SPSB4: variants seen among roughly 807,000 people sequenced by gnomAD.
The protein encoded by SPSB4 is splA/ryanodine receptor domain and SOCS box containing 4.
SPSB4 carries 21 observed loss-of-function variants against 20.9 expected under a neutral mutation model. That is an observed-to-expected ratio of 1.01 (90% CI 0.71 to 1.45). SPSB4 has a LOEUF of 1.45. Among genes scored for constraint, SPSB4 ranks in the 40% most tolerant of loss-of-function variants. SPSB4 has a pLI of 0.00. For synonymous variants in SPSB4, 207 were observed against 183.8 expected (o/e 1.13, Z -1.02); for missense variants, 399 against 399.2 (o/e 1.00, Z 0.00).
intron 2 of SPSB4, among the ~76,000 whole-genome samples, chr3:141,090,677 G>A (rs1387285106): frequency 1.3e-5 from 2 of 152,182 alleles, no homozygotes; most frequent in African/African-American, 2.4e-5. Context: ...GAGGTTAGCC[G>A]ATCAAGGATG....
chr3:141,138,756 T>C (rs1939272564), intron 2 of SPSB4, among the ~76,000 whole-genome samples: 1 of 152,216 alleles, frequency 6.6e-6, no homozygotes. Flanking sequence ...TACTTCCAAG[T>C]ATGTGGTCAA....
At chr3:141,145,788 C>G (rs1420081813) in intron 2 of SPSB4, among the ~76,000 whole-genome samples, 4 of 152,174 alleles carry the variant, frequency 2.6e-5, no homozygotes, top group African/African-American at 7.2e-5. Context: ...CTGATGCTAA[C>G]TGATCAGCAC....
intron 2 of SPSB4, among the ~76,000 whole-genome samples, chr3:141,126,253 C>T (rs1285965512): frequency 2.0e-5 from 3 of 152,124 alleles, no homozygotes; most frequent in Non-Finnish European, 4.4e-5. Context: ...TCTCCTGAAC[C>T]CAGTCACCTC....
Position 141,147,770 on chromosome 3 carries a change from G to A in SPSB4, c.*501G>A, listed in dbSNP as rs758823301. 1 of 163,806 alleles carries A rather than the reference G, an allele frequency of 6.1e-6. No homozygotes were observed. Among genetic ancestry groups the A allele is most frequent in the Admixed American group, 5.6e-5 (1 of 17,748 alleles). 10.1% of individuals were successfully genotyped at this position (163,806 alleles called of 1,614,324 possible). A position where few individuals can be genotyped will look rare whatever the true frequency, so the allele number is the denominator to read the frequency against. ...TACGCCTTGCCAGGGCGGCAGGATT[G>A]TCACACCGTTTTAGGACTCTGTGCC... is the stretch of plus-strand genomic sequence containing the variant. On this transcript the variant is annotated 3_prime_UTR_variant, in exon 3 of 3. Transcript: ENST00000310546.
rs1037320426 is a variant in SPSB4, at chr3:141,147,707, G to A, written c.*438G>A. The A allele has an allele frequency of 1.4e-4, 24 of 170,300 alleles. No individual in the cohort carries two copies. The highest frequency in any genetic ancestry group is 1.1e-3 in the Admixed American group (20 of 18,158). 10.5% of individuals were successfully genotyped at this position (170,300 alleles called of 1,614,324 possible). A position where few individuals can be genotyped will look rare whatever the true frequency, so the allele number is the denominator to read the frequency against. On this transcript the variant is annotated 3_prime_UTR_variant, in exon 3 of 3. Coordinates refer to ENST00000310546, the MANE Select transcript of SPSB4 (RefSeq NM_080862.3). ...AGGGGGAAAATTGCCTCTGAATAAT[G>A]AATGATGAAAGCCTGACGCCGTGCC...
chr3:141,136,888 T>C lies in SPSB4; in HGVS notation c.695-10254T>C, dbSNP rs919949915. ...CCAATTCTGTGAAGAAAGTCATTGG[T>C]AGCTTGATGGGGATGGCATTGAATC... On this transcript the variant is annotated intron_variant, in intron 2 of 2. Coordinates refer to ENST00000310546, the MANE Select transcript of SPSB4 (RefSeq NM_080862.3). 5.3e-5 allele frequency among the ~76,000 whole-genome samples: 8 copies of C among 152,218 alleles called. No homozygotes were observed. In the East Asian group the frequency reaches 7.7e-4, roughly 15 times the overall value.
intron 2 of SPSB4, among the ~76,000 whole-genome samples, chr3:141,122,397 G>A (rs985973127): frequency 6.6e-6 from 1 of 152,198 alleles, no homozygotes; most frequent in Non-Finnish European, 1.5e-5. Context: ...TGAGGAGGCA[G>A]TCTGTTCATT....
chr3:141,146,772 TAAAA>T (rs1166026396), intron 2 of SPSB4, among the ~76,000 whole-genome samples: 1 of 128,168 alleles, frequency 7.8e-6, no homozygotes, highest in Non-Finnish European at 1.7e-5. Context: ...AGACTCCATC[TAAAA>T]AAAAAAAAAA....
At chr3:141,084,334 C>T (rs1938302043) in intron 2 of SPSB4, among the ~76,000 whole-genome samples, 1 of 152,170 alleles carries the variant, frequency 6.6e-6, no homozygotes, top group Non-Finnish European at 1.5e-5. Flanking sequence ...CACCCCTCTC[C>T]TGGCCTCTCC....
chr3:141,144,563 C>T (rs7614592), intron 2 of SPSB4, among the ~76,000 whole-genome samples: 39,860 of 152,152 alleles, frequency 0.26, 6,216 homozygotes, highest in African/African-American at 0.44. Flanking sequence ...ACAGTGGGGG[C>T]AGGAACTCAA....
intron 1 of SPSB4, among the ~76,000 whole-genome samples, chr3:141,052,810 A>G (rs538617631): frequency 1.3e-5 from 2 of 152,218 alleles, no homozygotes; most frequent in African/African-American, 4.8e-5. Flanking sequence ...CAGAGACTTG[A>G]GCGCGGCAAA....
At chr3:141,129,424 G>A (rs972999048) in intron 2 of SPSB4, among the ~76,000 whole-genome samples, 39 of 152,148 alleles carry the variant, frequency 2.6e-4, no homozygotes, top group Admixed American at 8.5e-4. Context: ...GGACTCTTTT[G>A]GTGAGAGCCC....
intron 2 of SPSB4, among the ~76,000 whole-genome samples, chr3:141,068,121 G>A (rs1937925752): frequency 6.6e-6 from 1 of 152,200 alleles, no homozygotes; most frequent in East Asian, 1.9e-4. Context: ...TACATTTACT[G>A]GAGCACAGGA....
At chr3:141,138,177 G>A (rs899769103) in intron 2 of SPSB4, among the ~76,000 whole-genome samples, 12 of 152,146 alleles carry the variant, frequency 7.9e-5, no homozygotes, top group Admixed American at 3.9e-4. Flanking sequence ...GATTGGTGGT[G>A]ATATCCCCTT....
rs57674247 is a variant in SPSB4 at position 141,142,803 on chromosome 3, C to CTTTTTTTTTTTTTTT, written c.695-4322_695-4308dup. ...ATTATGATATAATGTCCCTCTTTGT[C>CTTTTTTTTTTTTTTT]TTTTTTTTTTTTTTTTTTTTTTTTT... On this transcript the variant is annotated intron_variant, in intron 2 of 2. Transcript: ENST00000310546. Among the ~76,000 whole-genome samples the CTTTTTTTTTTTTTTT allele has an allele frequency of 4.8e-5, 3 of 61,992 alleles. 1 individual carries two copies. The highest frequency in any genetic ancestry group is 1.9e-3 in the South Asian group (2 of 1,042). 40.7% of individuals were successfully genotyped at this position (61,992 alleles called of 152,430 possible).
At chr3:141,143,264 G>T (rs375885342) in intron 2 of SPSB4, among the ~76,000 whole-genome samples, 2 of 152,178 alleles carry the variant, frequency 1.3e-5, no homozygotes, top group East Asian at 3.8e-4. Context: ...TGTGTGCTAG[G>T]TGAGTCTCTT....
intron 1 of SPSB4, among the ~76,000 whole-genome samples, chr3:141,054,310 C>T (rs1936145332): frequency 6.6e-6 from 1 of 152,110 alleles, no homozygotes; most frequent in Admixed American, 6.5e-5. Context: ...ATGGAGGTCA[C>T]CAGAAGTCTC....
intron 2 of SPSB4, among the ~76,000 whole-genome samples, chr3:141,114,220 C>G (rs1472761062): frequency 6.6e-6 from 1 of 152,140 alleles, no homozygotes; most frequent in Non-Finnish European, 1.5e-5. Context: ...GTGGAAAATA[C>G]CAGGGGTGAA....
At position 141,065,976 on chromosome 3, in the gene SPSB4, G is replaced by A; in HGVS notation, c.-129G>A. 4 of 838,270 alleles carry A rather than the reference G, an allele frequency of 4.8e-6. No homozygotes were observed. In the South Asian group the frequency reaches 5.9e-5, roughly 12 times the overall value. 51.9% of individuals were successfully genotyped at this position (838,270 alleles called of 1,614,324 possible). On this transcript the variant is annotated 5_prime_UTR_variant, in exon 2 of 3. Coordinates refer to ENST00000310546, the MANE Select transcript of SPSB4 (RefSeq NM_080862.3). ...GGAGCTTGGGCCCCTGCCGCAGCCCGGTAGAGGCTGTGGAGGTCTACCGTC... is the reference window on the plus strand; with the variant it reads ...GGAGCTTGGGCCCCTGCCGCAGCCCAGTAGAGGCTGTGGAGGTCTACCGTC...
Sources: gnomAD v4.1 joint callset for allele counts (sites outside exome capture counted in the v4.1 genomes callset) on GRCh38, gnomAD v4.1.1 for gene constraint, MANE v1.5 for transcripts, NCBI Gene and HGNC (gene_info 2026-07-23, HGNC 2026-07-21) for gene names.